The following ROCK1 variants were observed in gnomAD, a reference collection of about 807,000 sequenced individuals.
The protein encoded by ROCK1 is Rho associated coiled-coil containing protein kinase 1.
A neutral mutation model predicts 196.8 loss-of-function variants in ROCK1; 36 were observed. The observed-to-expected ratio is 0.18, with a 90% CI of 0.14 to 0.24. The LOEUF is 0.24. Among genes scored for constraint, ROCK1 ranks in the 10% least tolerant of loss-of-function variants. The probability of loss-of-function intolerance (pLI) is 1.00; values close to 1 mark genes in which losing one functional copy is unlikely to be tolerated. For missense variants in ROCK1, 920 were observed against 1,562.0 expected (o/e 0.59, Z 6.93); for synonymous variants, 443 against 515.9 (o/e 0.86, Z 1.91).
At chr18:21,034,191 G>A (rs1392290609) in intron 9 of ROCK1, among the ~76,000 whole-genome samples, 1 of 152,198 alleles carries the variant, frequency 6.6e-6, no homozygotes, top group East Asian at 1.9e-4. Context: ...TCATGGACTG[G>A]AAAAGATAAC....
At chr18:21,056,073 T>C (rs1394348521) in intron 2 of ROCK1, among the ~76,000 whole-genome samples, 5 of 152,190 alleles carry the variant, frequency 3.3e-5, no homozygotes, top group Admixed American at 2.0e-4. Context: ...TAGTTTTCAG[T>C]TGCCTTGGCT....
intron 23 of ROCK1, 100 bp downstream of exon 23, chr18:20,970,248 A>T (rs2035413485): frequency 3.7e-6 from 3 of 814,102 alleles, no homozygotes; most frequent in Non-Finnish European, 5.8e-6. Flanking sequence ...ATTAACATAG[A>T]AGTAAATACA....
intron 11 of ROCK1, among the ~76,000 whole-genome samples, chr18:21,021,864 C>T (rs2035915711): frequency 6.6e-6 from 1 of 152,134 alleles, no homozygotes; most frequent in Admixed American, 6.5e-5. Context: ...TACAGCAACT[C>T]CTTATTATTA....
intron 29 of ROCK1, among the ~76,000 whole-genome samples, chr18:20,958,486 A>G (rs1396940298): frequency 6.6e-5 from 10 of 152,132 alleles, no homozygotes; most frequent in Non-Finnish European, 1.2e-4. Flanking sequence ...CTATGATAAT[A>G]TAAGCAGCAA....
At chr18:21,000,302 G>A (rs1201055037) in intron 16 of ROCK1, among the ~76,000 whole-genome samples, 2 of 151,290 alleles carry the variant, frequency 1.3e-5, no homozygotes, top group Admixed American at 6.6e-5. Context: ...CACTGTGTTC[G>A]CCCATGCTGG....
chr18:20,989,595 A>C (rs1045041818), intron 18 of ROCK1, among the ~76,000 whole-genome samples: 5 of 152,206 alleles, frequency 3.3e-5, no homozygotes, highest in African/African-American at 1.2e-4. Context: ...AGTAAGGATG[A>C]CAGATTGCTG....
At chr18:21,042,835 C>T in intron 6 of ROCK1, 126 bp from the exon 7 acceptor site, 1 of 934,556 alleles carries the variant, frequency 1.1e-6, no homozygotes, top group South Asian at 1.9e-5. Flanking sequence ...TATATTAAAA[C>T]TGAATGGAAA....
At chr18:20,978,155 G>A (rs1044685919) in intron 22 of ROCK1, among the ~76,000 whole-genome samples, 1 of 149,446 alleles carries the variant, frequency 6.7e-6, no homozygotes, top group Non-Finnish European at 1.5e-5. Flanking sequence ...ACAACAAAAA[G>A]TCTAAGTTTA....
Position 20,955,157 on chromosome 18 carries a change from A to G in ROCK1, c.3591+10T>C. 1 of 1,536,748 alleles carries G rather than the reference A, an allele frequency of 6.5e-7. No homozygotes were observed. The highest frequency in any genetic ancestry group is 2.3e-5 in the East Asian group (1 of 43,622). Reference sequence around the variant, plus strand: ...TTAGATTCTTTAAAATTATAACTTCAGATTTTTACCTGGAATATTTTAGGA... The same window carrying G: ...TTAGATTCTTTAAAATTATAACTTCGGATTTTTACCTGGAATATTTTAGGA... On this transcript the variant is annotated intron_variant, in intron 30 of 32. Transcript: ENST00000399799.
At chr18:20,985,423 G>GT (rs901021608) in intron 19 of ROCK1, among the ~76,000 whole-genome samples, 5 of 152,040 alleles carry the variant, frequency 3.3e-5, no homozygotes, top group Non-Finnish European at 5.9e-5. Context: ...CACTACTCCT[G>GT]TTTTATCCTC....
chr18:21,036,166 G>A (rs1187800831), intron 9 of ROCK1, among the ~76,000 whole-genome samples: 1 of 152,144 alleles, frequency 6.6e-6, no homozygotes, highest in Non-Finnish European at 1.5e-5. Flanking sequence ...AACTTGCTAG[G>A]CCTTCAGTTC....
intron 2 of ROCK1, among the ~76,000 whole-genome samples, chr18:21,068,965 T>G (rs2036360440): frequency 6.6e-6 from 1 of 152,112 alleles, no homozygotes; most frequent in Non-Finnish European, 1.5e-5. Flanking sequence ...TTATTTTACC[T>G]GATGGCACTG....
intron 2 of ROCK1, among the ~76,000 whole-genome samples, chr18:21,052,555 G>A (rs539564588): frequency 2.6e-5 from 4 of 152,170 alleles, no homozygotes; most frequent in South Asian, 2.1e-4. Context: ...GACCTGTACC[G>A]GTTCATGGCC....
chr18:21,097,240 T>C (rs1202678994), intron 1 of ROCK1, among the ~76,000 whole-genome samples: 8 of 152,220 alleles, frequency 5.3e-5, no homozygotes, highest in Admixed American at 2.6e-4. Context: ...GGAAAGCTGC[T>C]ACGCTGTCCC....
At position 20,988,323 on chromosome 18, in the gene ROCK1, C is replaced by T. The variant is rs142202519; in HGVS notation, c.2144-1213G>A. Among the ~76,000 whole-genome samples the T allele has an allele frequency of 4.9e-4, 75 of 152,186 alleles. No homozygotes were observed. The East Asian group carries it at 0.012, about 25-fold the overall frequency. On this transcript the variant is annotated intron_variant, in intron 18 of 32. Transcript: ENST00000399799. Reference sequence around the variant, plus strand: ...CCTCAAATAATCTGCCTGCCTTGCCCTCCCAAAGTGCTAGCATTACAGGTG... The same window carrying T: ...CCTCAAATAATCTGCCTGCCTTGCCTTCCCAAAGTGCTAGCATTACAGGTG...
chr18:21,061,011 T>C (rs2036285171), intron 2 of ROCK1, among the ~76,000 whole-genome samples: 1 of 151,544 alleles, frequency 6.6e-6, no homozygotes, highest in Non-Finnish European at 1.5e-5. Flanking sequence ...CTCTGCAATT[T>C]AGGGGAAAAA....
chr18:21,007,982 T>C, intron 14 of ROCK1, 77 bp downstream of exon 14: 1 of 1,129,446 alleles, frequency 8.9e-7, no homozygotes, highest in South Asian at 1.6e-5. Context: ...CATGTATGTA[T>C]CATGGACACT....
rs1279299656 is a variant in ROCK1, at chr18:20,951,523, C to A, written c.4062-136G>T. Reference sequence around the variant, plus strand: ...TAACAATTACACAAAATTTGGAAAACAAGGAATAGGAAAAATATACTTAGT... The same window carrying A: ...TAACAATTACACAAAATTTGGAAAAAAAGGAATAGGAAAAATATACTTAGT... On this transcript the variant is annotated intron_variant, in intron 32 of 32. Transcript: ENST00000399799. 7.1e-6 allele frequency: 4 copies of A among 566,406 alleles called. No individual in the cohort carries two copies. The East Asian group carries it at 9.4e-5, about 13-fold the overall frequency. 35.1% of individuals were successfully genotyped at this position (566,406 alleles called of 1,614,324 possible). A position where few individuals can be genotyped will look rare whatever the true frequency, so the allele number is the denominator to read the frequency against.
intron 9 of ROCK1, among the ~76,000 whole-genome samples, chr18:21,035,605 G>T (rs2143492069): frequency 6.6e-6 from 1 of 152,184 alleles, no homozygotes; most frequent in African/African-American, 2.4e-5. Context: ...CATTAATATG[G>T]ATATAAAATA....
Sources: allele counts gnomAD v4.1 joint callset (sites outside exome capture counted in the v4.1 genomes callset), GRCh38; gene constraint gnomAD v4.1.1; transcripts MANE v1.5; gene names NCBI Gene and HGNC (gene_info 2026-07-23, HGNC 2026-07-21).